Variants in BACH2 observed in about 807,000 individuals in gnomAD.
BACH2 encodes transcription regulator protein BACH2.
BACH2 carries 5 observed loss-of-function variants against 61.8 expected under a neutral mutation model. That is an observed-to-expected ratio of 0.08 (90% CI 0.04 to 0.17). The LOEUF (loss-of-function observed/expected upper bound fraction) is 0.17, where lower values mean the gene tolerates loss of function less well. Among genes scored for constraint, BACH2 ranks in the 10% least tolerant of loss-of-function variants. BACH2 has a pLI of 1.00. For missense variants in BACH2, 824 were observed against 1,091.1 expected, an observed-to-expected ratio of 0.76 and a Z score of 3.45; for synonymous variants, 446 against 440.1, an observed-to-expected ratio of 1.01 and a Z score of -0.17.
chr6:90,247,876 T>C (rs1770687821), intron 3 of BACH2, among the ~76,000 whole-genome samples: 1 of 152,220 alleles, frequency 6.6e-6, no homozygotes, highest in Admixed American at 6.5e-5. Flanking sequence ...TGCTCTCTGA[T>C]GTCCCTAATC....
intron 1 of BACH2, among the ~76,000 whole-genome samples, chr6:90,296,095 G>A (rs540049784): frequency 9.2e-5 from 14 of 152,070 alleles, no homozygotes; most frequent in Middle Eastern, 3.4e-3. Context: ...AGCTGCTGCG[G>A]CTCGCGCGGA....
chr6:90,083,184 G>A (rs938758918), intron 5 of BACH2, among the ~76,000 whole-genome samples: 13 of 152,134 alleles, frequency 8.5e-5, no homozygotes, highest in Non-Finnish European at 1.8e-4. Flanking sequence ...TTTCACTAGT[G>A]ACAGGTGCAT....
At chr6:89,979,917 A>G (rs1430786712) in intron 6 of BACH2, among the ~76,000 whole-genome samples, 1 of 152,264 alleles carries the variant, frequency 6.6e-6, no homozygotes, top group Non-Finnish European at 1.5e-5. Context: ...AACCAAATGC[A>G]TGAGATAATG....
intron 3 of BACH2, among the ~76,000 whole-genome samples, chr6:90,227,264 G>A (rs1192050283): frequency 6.6e-6 from 1 of 152,172 alleles, no homozygotes; most frequent in Non-Finnish European, 1.5e-5. Context: ...TCTGCTCCAC[G>A]CATTCTCCCG....
chr6:90,048,945 A>G (rs1416629000), intron 5 of BACH2, among the ~76,000 whole-genome samples: 1 of 152,224 alleles, frequency 6.6e-6, no homozygotes, highest in Non-Finnish European at 1.5e-5. Flanking sequence ...AGGGGTAAAC[A>G]GAACCCAACT....
At chr6:90,200,286 C>A (rs1768914073) in intron 4 of BACH2, among the ~76,000 whole-genome samples, 1 of 152,100 alleles carries the variant, frequency 6.6e-6, no homozygotes, top group Admixed American at 6.6e-5. Flanking sequence ...AGTTTGGGAA[C>A]CACTGGTCTA....
intron 6 of BACH2, among the ~76,000 whole-genome samples, chr6:90,002,508 C>T (rs1206434475): frequency 6.6e-6 from 1 of 152,282 alleles, no homozygotes; most frequent in Middle Eastern, 3.4e-3. Flanking sequence ...TGGTGGCTCA[C>T]GCCTTAATCC....
chr6:90,083,245 A>G (rs1323298983), intron 5 of BACH2, among the ~76,000 whole-genome samples: 7 of 152,228 alleles, frequency 4.6e-5, no homozygotes, highest in Non-Finnish European at 1.5e-5. Context: ...ATTGGAAACT[A>G]TTAGAATAAA....
chr6:90,162,642 C>CA (rs1436523110), intron 4 of BACH2, among the ~76,000 whole-genome samples: 1 of 151,778 alleles, frequency 6.6e-6, no homozygotes, highest in East Asian at 1.9e-4. Context: ...AACCCTGTTT[C>CA]AAAAAATAAA....
chr6:90,041,263 A>G (rs1004813910), intron 5 of BACH2, among the ~76,000 whole-genome samples: 5 of 151,910 alleles, frequency 3.3e-5, no homozygotes, highest in African/African-American at 1.2e-4. Flanking sequence ...TAAACACTAC[A>G]TCTACTAAAG....
At chr6:90,293,013 A>G (rs1002270974) in intron 1 of BACH2, among the ~76,000 whole-genome samples, 4 of 152,204 alleles carry the variant, frequency 2.6e-5, no homozygotes, top group African/African-American at 7.2e-5. Context: ...CCAGGTAAGT[A>G]CATAATTTGC....
In BACH2 at chr6:90,095,236, T is replaced by C. The variant is rs576886373; in HGVS notation, c.-161-6127A>G. ...GGAAATTCAGAGATGAAGTTTTTTT[T>C]TTTTTTAAACTCTTATCTTTCAAAC... On this transcript the variant is annotated intron_variant, in intron 4 of 8. Coordinates refer to ENST00000257749, the MANE Select transcript of BACH2 (RefSeq NM_021813.4). 9.9e-5 allele frequency among the ~76,000 whole-genome samples: 15 copies of C among 152,282 alleles called. No homozygotes were observed. The South Asian group carries it at 3.1e-3, about 32-fold the overall frequency.
chr6:89,932,375 G>A lies in BACH2; in HGVS notation c.*33C>T. 1 of 1,594,038 alleles carries A rather than the reference G, an allele frequency of 6.3e-7. No homozygotes were observed. The highest frequency in any genetic ancestry group is 1.3e-5 in the African/African-American group (1 of 74,764). On this transcript the variant is annotated 3_prime_UTR_variant, in exon 9 of 9. Transcript: ENST00000257749. ...CTGACTGAAGAACGCCTGGATGGGA[G>A]AGGTGTGCGGACTGGGAGGCAGAGC... is the stretch of plus-strand genomic sequence containing the variant.
chr6:90,238,229 A>G (rs970838977), intron 3 of BACH2, among the ~76,000 whole-genome samples: 5 of 152,176 alleles, frequency 3.3e-5, no homozygotes, highest in African/African-American at 1.2e-4. Context: ...CGATCGATCG[A>G]TCATCTATCT....
intron 4 of BACH2, among the ~76,000 whole-genome samples, chr6:90,191,415 C>CATTTGCATGA (rs1768567401): frequency 6.6e-6 from 1 of 152,240 alleles, no homozygotes; most frequent in African/African-American, 2.4e-5. Context: ...TTCATCCGCA[C>CATTTGCATGA]ATTTGCAAAT....
intron 6 of BACH2, among the ~76,000 whole-genome samples, chr6:89,966,661 G>A (rs1172927564): frequency 1.3e-5 from 2 of 152,216 alleles, no homozygotes; most frequent in African/African-American, 2.4e-5. Context: ...GGGAGGAAAT[G>A]AAACGGGAGC....
intron 1 of BACH2, 47 bp downstream of exon 1, chr6:90,296,433 C>T (rs945262426): frequency 1.3e-5 from 2 of 150,866 alleles, no homozygotes. Flanking sequence ...ACTTGCCCCG[C>T]CACCCCGCCC....
intron 3 of BACH2, among the ~76,000 whole-genome samples, chr6:90,240,524 C>T (rs370242123): frequency 4.6e-5 from 7 of 152,024 alleles, no homozygotes; most frequent in Non-Finnish European, 7.4e-5. Flanking sequence ...ACAAGCATAA[C>T]GAAAAATAAT....
intron 4 of BACH2, among the ~76,000 whole-genome samples, chr6:90,112,629 C>T (rs1428692609): frequency 6.6e-6 from 1 of 152,108 alleles, no homozygotes; most frequent in Non-Finnish European, 1.5e-5. Context: ...GGAAAGACTG[C>T]TATCAGCTAA....
Sources: gnomAD v4.1 joint callset for allele counts (sites outside exome capture counted in the v4.1 genomes callset) on GRCh38, gnomAD v4.1.1 for gene constraint, MANE v1.5 for transcripts, NCBI Gene and HGNC (gene_info 2026-07-23, HGNC 2026-07-21) for gene names.